The following RIGI variants were observed in gnomAD, a reference collection of about 807,000 sequenced individuals.
RIGI encodes the protein antiviral innate immune response receptor RIG-I.
the RIGI span, chr9:32,488,681 C>T: frequency 6.2e-6 from 9 of 1,462,380 alleles, no homozygotes; most frequent in East Asian, 1.7e-4. Flanking sequence ...ACAGAAAACA[C>T]ATCAATTACA....
the RIGI span, among the ~76,000 whole-genome samples, chr9:32,470,698 G>A: frequency 8.5e-5 from 13 of 152,216 alleles, no homozygotes; most frequent in East Asian, 2.1e-3. Context: ...AGGAAATTAA[G>A]AAATGGAAAT....
the RIGI span, among the ~76,000 whole-genome samples, chr9:32,479,515 T>C: frequency 2.0e-5 from 3 of 152,166 alleles, no homozygotes; most frequent in Non-Finnish European, 2.9e-5. Flanking sequence ...AGTGAGATTA[T>C]GTGCCATTTT....
the RIGI span, among the ~76,000 whole-genome samples, chr9:32,507,985 C>T: frequency 6.6e-6 from 1 of 152,022 alleles, no homozygotes; most frequent in African/African-American, 2.4e-5. Flanking sequence ...TTTCCCTTTC[C>T]TATATTTTCT....
the RIGI span, among the ~76,000 whole-genome samples, chr9:32,493,396 C>T: frequency 6.6e-5 from 10 of 152,088 alleles, no homozygotes; most frequent in South Asian, 2.1e-4. Context: ...GAGGCCAAGG[C>T]GGGTGGATCA....
the RIGI span, among the ~76,000 whole-genome samples, chr9:32,463,680 A>G: frequency 2.0e-5 from 3 of 152,122 alleles, no homozygotes; most frequent in Middle Eastern, 3.4e-3. Flanking sequence ...AGTTAAGTCT[A>G]TGGCATACTG....
the RIGI span, chr9:32,480,431 T>G: frequency 7.3e-4 from 1,001 of 1,370,956 alleles, 3 homozygotes; most frequent in Admixed American, 1.8e-3. Flanking sequence ...ATTCGTTGTA[T>G]TTAACGAATT....
At chr9:32,467,779 T>C in the RIGI span, 1 of 1,589,092 alleles carries the variant, frequency 6.3e-7, no homozygotes, top group Admixed American at 1.7e-5. Context: ...TTGGATCATT[T>C]TGATGACATT....
chr9:32,461,034 A>G, the RIGI span, among the ~76,000 whole-genome samples: 1 of 95,360 alleles, frequency 1.0e-5, no homozygotes, highest in Non-Finnish European at 2.2e-5. Context: ...AAAAATCTTG[A>G]AAGCAGCCAG....
chr9:32,476,971 A>G, the RIGI span: 2 of 1,609,096 alleles, frequency 1.2e-6, no homozygotes, highest in Non-Finnish European at 1.7e-6. Flanking sequence ...TACAAGGAGA[A>G]AAAAAGCTTA....
chr9:32,491,561 A>C, the RIGI span: 1 of 624,950 alleles, frequency 1.6e-6, no homozygotes, highest in South Asian at 2.3e-5. Flanking sequence ...TCACCTTTTA[A>C]AACAGTTGAA....
the RIGI span, among the ~76,000 whole-genome samples, chr9:32,471,618 A>T: frequency 0.015 from 2,330 of 152,290 alleles, 77 homozygotes; most frequent in African/African-American, 0.054. Flanking sequence ...CAGTTTTTGG[A>T]GGTTGGGGAA....
the RIGI span, chr9:32,491,559 T>C: frequency 1.6e-6 from 1 of 631,092 alleles, no homozygotes. Flanking sequence ...CTTCACCTTT[T>C]AAAACAGTTG....
the RIGI span, among the ~76,000 whole-genome samples, chr9:32,506,215 CTCAATCAA>C: frequency 1.1e-4 from 17 of 152,248 alleles, no homozygotes; most frequent in African/African-American, 3.6e-4. Context: ...GAGACTCTGT[CTCAATCAA>C]TCAATCAATC....
At chr9:32,488,604 A>G in the RIGI span, 1 of 960,108 alleles carries the variant, frequency 1.0e-6, no homozygotes, top group East Asian at 2.9e-5. Flanking sequence ...CCATGAAGGG[A>G]TAACATCTGG....
the RIGI span, among the ~76,000 whole-genome samples, chr9:32,522,748 C>T: frequency 6.6e-6 from 1 of 152,136 alleles, no homozygotes; most frequent in Non-Finnish European, 1.5e-5. Flanking sequence ...CCCACCACGC[C>T]ATTCCTCAGC....
At chr9:32,457,709 T>TACTC in the RIGI span, among the ~76,000 whole-genome samples, 13 of 152,300 alleles carry the variant, frequency 8.5e-5, no homozygotes, top group Non-Finnish European at 1.8e-4. Flanking sequence ...TGAAGGTAGA[T>TACTC]ACTCATTATT....
the RIGI span, chr9:32,500,912 T>A: frequency 6.2e-7 from 1 of 1,614,010 alleles, no homozygotes; most frequent in African/African-American, 1.3e-5. Context: ...CTTGTTGTTT[T>A]TCTCAGCCTG....
the RIGI span, among the ~76,000 whole-genome samples, chr9:32,520,731 C>A: frequency 6.6e-6 from 1 of 152,000 alleles, no homozygotes; most frequent in African/African-American, 2.4e-5. Context: ...ATGTCTGGGC[C>A]CCTGTGTCAT....
At chr9:32,496,040 A>C in the RIGI span, among the ~76,000 whole-genome samples, 1 of 151,854 alleles carries the variant, frequency 6.6e-6, no homozygotes, top group African/African-American at 2.4e-5. Context: ...CTCTCATTCC[A>C]TGGGTTGACT....
Sources: allele counts gnomAD v4.1 joint callset (sites outside exome capture counted in the v4.1 genomes callset), GRCh38; gene constraint gnomAD v4.1.1; transcripts MANE v1.5; gene names NCBI Gene and HGNC (gene_info 2026-07-23, HGNC 2026-07-21).